C3orf70: variants seen among roughly 807,000 people sequenced by gnomAD.
C3orf70 encodes UPF0524 protein C3orf70.
A neutral mutation model predicts 20.7 loss-of-function variants in C3orf70; 15 were observed. The ratio of observed to expected loss-of-function variants is 0.72; its 90% confidence interval spans 0.48 to 1.11. The LOEUF (loss-of-function observed/expected upper bound fraction) is 1.11. Ranked by LOEUF, C3orf70 falls within the 50% of genes most tolerant of loss-of-function variation. The probability of loss-of-function intolerance (pLI) is 0.00; values close to 1 mark genes in which losing one functional copy is unlikely to be tolerated. For synonymous variants in C3orf70, 161 were observed against 125.7 expected (o/e 1.28, Z -1.88); for missense variants, 332 against 317.6 (o/e 1.05, Z -0.34).
Position 185,083,454 on chromosome 3 carries a change from G to A in C3orf70, c.306C>T (p.Thr102=), listed in dbSNP as rs147322612. The A allele has an allele frequency of 4.6e-5, 75 of 1,614,094 alleles. No homozygotes were observed. In the East Asian group the frequency reaches 1.1e-3, roughly 24 times the overall value. ...CAGATGCAAATTTCAAAAAGTGTTC[G>A]GTGAGCGAGACTGAGATCTGAATGG... The part of the protein sequence containing the change: ...TNTIQISVSL[T]EHFLKFASVF... The change falls in exon 2 of 2, where the codon ACC becomes ACT. Residue 102 remains threonine, a synonymous_variant. Coordinates refer to ENST00000335012, the MANE Select transcript of C3orf70 (RefSeq NM_001025266.3).
Position 185,152,656 on chromosome 3 carries a change from G to A in C3orf70, c.168C>T (p.His56=), listed in dbSNP as rs774439245. The part of the protein sequence containing the change: ...THSHGKCFKL[H]WCCHLGWCHC... Reference sequence around the variant, plus strand: ...GACACCATCCTAGGTGACAGCACCAGTGCAGCTTGAAGCACTTGCCATGGC... The same window carrying A: ...GACACCATCCTAGGTGACAGCACCAATGCAGCTTGAAGCACTTGCCATGGC... Residue 56 remains histidine (H), a synonymous_variant, in exon 1 of 2, where the codon CAC becomes CAT. Coordinates refer to ENST00000335012, the MANE Select transcript of C3orf70 (RefSeq NM_001025266.3). The A allele has an allele frequency of 1.3e-6, 2 of 1,589,212 alleles. No individual in the cohort carries two copies. Among genetic ancestry groups the A allele is most frequent in the Non-Finnish European group, 1.7e-6 (2 of 1,168,000 alleles).
intron 1 of C3orf70, among the ~76,000 whole-genome samples, chr3:185,152,067 A>G (rs1474410184): frequency 6.6e-6 from 1 of 152,228 alleles, no homozygotes; most frequent in Non-Finnish European, 1.5e-5. Flanking sequence ...CAAACTGTTA[A>G]TATTAACTTC....
chr3:185,126,806 A>G (rs1471314646), intron 1 of C3orf70, among the ~76,000 whole-genome samples: 1 of 152,198 alleles, frequency 6.6e-6, no homozygotes, highest in East Asian at 1.9e-4. Flanking sequence ...GACCTCTCCA[A>G]TCGCACAGTT....
chr3:185,088,046 G>A (rs746521174), intron 1 of C3orf70, among the ~76,000 whole-genome samples: 7 of 151,930 alleles, frequency 4.6e-5, no homozygotes, highest in African/African-American at 2.4e-5. Flanking sequence ...CGAGTAGCTG[G>A]GATTACAGGC....
At chr3:185,145,701 G>C (rs562397991) in intron 1 of C3orf70, among the ~76,000 whole-genome samples, 2 of 152,330 alleles carry the variant, frequency 1.3e-5, no homozygotes, top group Admixed American at 6.5e-5. Flanking sequence ...GCCACAGGCA[G>C]CTAGGGGTAC....
chr3:185,101,855 C>T (rs1231437105), intron 1 of C3orf70, among the ~76,000 whole-genome samples: 1 of 152,164 alleles, frequency 6.6e-6, no homozygotes, highest in African/African-American at 2.4e-5. Context: ...CAGAAAAAGG[C>T]TTTCAATAAA....
Position 185,081,858 on chromosome 3 carries a change from C to G in C3orf70, c.*1149G>C, listed in dbSNP as rs1715345066. ...GCTGCATAAAAATCCATGCATCACA[C>G]TGAATTCTAATCCATTCCTCACTTA... On this transcript the variant is annotated 3_prime_UTR_variant, in exon 2 of 2. Transcript: ENST00000335012. The G allele has an allele frequency of 6.6e-6, 1 of 152,662 alleles. No individual in the cohort carries two copies. Among genetic ancestry groups the G allele is most frequent in the South Asian group, 2.1e-4 (1 of 4,830 alleles). The allele number at this position is 152,662 out of a possible 1,614,324, so 9.5% of individuals were successfully genotyped here. A position where few individuals can be genotyped will look rare whatever the true frequency, so the allele number is the denominator to read the frequency against.
At chr3:185,108,959 T>A (rs1043675319) in intron 1 of C3orf70, among the ~76,000 whole-genome samples, 1 of 152,214 alleles carries the variant, frequency 6.6e-6, no homozygotes, top group East Asian at 1.9e-4. Flanking sequence ...CAGCTTCTAT[T>A]AAAACAGACA....
rs16859574 is a variant in C3orf70 at position 185,077,287 on chromosome 3, A to C, written c.*5720T>G. Among the ~76,000 whole-genome samples the C allele has an allele frequency of 0.023, 3,494 of 152,178 alleles. 109 individuals carry two copies. Among genetic ancestry groups the C allele is most frequent in the African/African-American group, 0.079 (3,275 of 41,488 alleles). ...GGGTTAGGGGGATGGAGTAATGCAGACAATGGGCCAAGAGTGCGGACTCTA... is the reference window on the plus strand; with the variant it reads ...GGGTTAGGGGGATGGAGTAATGCAGCCAATGGGCCAAGAGTGCGGACTCTA... On this transcript the variant is annotated 3_prime_UTR_variant, in exon 2 of 2. Coordinates refer to ENST00000335012, the MANE Select transcript of C3orf70 (RefSeq NM_001025266.3).
chr3:185,134,116 C>CATATATATATATATAT (rs1553921592), intron 1 of C3orf70, among the ~76,000 whole-genome samples: 10 of 134,670 alleles, frequency 7.4e-5, no homozygotes, highest in African/African-American at 2.4e-4. Context: ...AAAAATACAT[C>CATATATATATATATAT]ATATATATAT....
intron 1 of C3orf70, among the ~76,000 whole-genome samples, chr3:185,095,904 T>A (rs911255522): frequency 6.6e-6 from 1 of 152,052 alleles, no homozygotes; most frequent in Non-Finnish European, 1.5e-5. Flanking sequence ...TCTTGGCTAA[T>A]TTTTTGCATT....
At chr3:185,125,446 G>GT (rs1716391232) in intron 1 of C3orf70, among the ~76,000 whole-genome samples, 1 of 151,978 alleles carries the variant, frequency 6.6e-6, no homozygotes, top group Admixed American at 6.6e-5. Context: ...CAGTTTGGTA[G>GT]TTTTTTAGAA....
rs1182933014 is a variant in C3orf70, at chr3:185,152,930, G to T, written c.-107C>A. 2.8e-6 allele frequency: 3 copies of T among 1,068,800 alleles called. No individual in the cohort carries two copies. The South Asian group carries it at 6.9e-5, about 25-fold the overall frequency. The allele number at this position is 1,068,800 out of a possible 1,614,324, so 66.2% of individuals were successfully genotyped here. On this transcript the variant is annotated 5_prime_UTR_variant, in exon 1 of 2. Coordinates refer to ENST00000335012, the MANE Select transcript of C3orf70 (RefSeq NM_001025266.3). ...GACGCGGGAGGGCGCGGCACGGGCC[G>T]GGAGTCACGCCAGCACGCGGCGGCG...
chr3:185,135,337 C>A (rs959098275), intron 1 of C3orf70, among the ~76,000 whole-genome samples: 7 of 152,050 alleles, frequency 4.6e-5, no homozygotes, highest in African/African-American at 1.7e-4. Context: ...TATAAAGAAC[C>A]AGGCCAGGCG....
intron 1 of C3orf70, among the ~76,000 whole-genome samples, chr3:185,106,848 G>A (rs1405253509): frequency 6.6e-6 from 1 of 152,242 alleles, no homozygotes; most frequent in Admixed American, 6.5e-5. Flanking sequence ...TTTAAAAGGA[G>A]TGCAAACACA....
intron 1 of C3orf70, among the ~76,000 whole-genome samples, chr3:185,101,876 C>T (rs1715830812): frequency 6.6e-6 from 1 of 152,188 alleles, no homozygotes; most frequent in South Asian, 2.1e-4. Context: ...GTTCAACATT[C>T]CTTCATGTTA....
chr3:185,132,424 CAA>C (rs68193448), intron 1 of C3orf70, among the ~76,000 whole-genome samples: 1,954 of 146,780 alleles, frequency 0.013, 41 homozygotes, highest in East Asian at 0.099. Flanking sequence ...TGTAAAATAC[CAA>C]AAAAAAAAAA....
chr3:185,109,452 C>G (rs1486643088), intron 1 of C3orf70, among the ~76,000 whole-genome samples: 3 of 152,156 alleles, frequency 2.0e-5, no homozygotes, highest in Non-Finnish European at 4.4e-5. Flanking sequence ...CCAAGGACCC[C>G]CCGGTTGCAG....
chr3:185,105,568 T>C (rs920521881), intron 1 of C3orf70, among the ~76,000 whole-genome samples: 3 of 152,244 alleles, frequency 2.0e-5, no homozygotes, highest in African/African-American at 4.8e-5. Flanking sequence ...TTAATAAATA[T>C]GTGGGTAAAT....
Sources: allele counts gnomAD v4.1 joint callset (sites outside exome capture counted in the v4.1 genomes callset), GRCh38; gene constraint gnomAD v4.1.1; transcripts MANE v1.5; gene names NCBI Gene and HGNC (gene_info 2026-07-23, HGNC 2026-07-21).